USP13: variants seen among roughly 807,000 people sequenced by gnomAD.
USP13 encodes the protein ubiquitin specific peptidase 13, also known as ubiquitin carboxyl-terminal hydrolase 13.
A neutral mutation model predicts 107.8 loss-of-function variants in USP13; 68 were observed. The ratio of observed to expected loss-of-function variants is 0.63; its 90% confidence interval spans 0.52 to 0.77. USP13 has a LOEUF of 0.77. Among genes scored for constraint, USP13 ranks in the 30% least tolerant of loss-of-function variants. The pLI, the probability that USP13 is intolerant of heterozygous loss-of-function variation, is 0.00. For missense variants in USP13, 945 were observed against 1,093.3 expected, an observed-to-expected ratio of 0.86 and a Z score of 1.91; for synonymous variants, 377 against 389.5, an observed-to-expected ratio of 0.97 and a Z score of 0.38.
At chr3:179,759,632 G>A (rs184575621) in intron 16 of USP13, among the ~76,000 whole-genome samples, 1 of 152,296 alleles carries the variant, frequency 6.6e-6, no homozygotes, top group East Asian at 1.9e-4. Context: ...ATTTGACCTG[G>A]ATAGGATGTT....
At chr3:179,771,076 G>C (rs1286552800) in intron 19 of USP13, among the ~76,000 whole-genome samples, 1 of 152,200 alleles carries the variant, frequency 6.6e-6, no homozygotes, top group Non-Finnish European at 1.5e-5. Flanking sequence ...AGTCCTGGGG[G>C]CACTGGGCTG....
At chr3:179,765,978 T>C (rs1715161930) in intron 19 of USP13, 130 bp downstream of exon 19, 2 of 445,676 alleles carry the variant, frequency 4.5e-6, no homozygotes, top group Non-Finnish European at 3.2e-6. Flanking sequence ...ATCTTCTTCG[T>C]TTTTTTTTTT....
chr3:179,684,244 C>G (rs1207547256), intron 2 of USP13, among the ~76,000 whole-genome samples: 6 of 149,448 alleles, frequency 4.0e-5, no homozygotes, highest in Non-Finnish European at 7.4e-5. Flanking sequence ...CAGGTATGAG[C>G]CACCACGCCT....
chr3:179,697,209 G>A (rs375910951), intron 3 of USP13, among the ~76,000 whole-genome samples: 1 of 152,152 alleles, frequency 6.6e-6, no homozygotes, highest in Non-Finnish European at 1.5e-5. Context: ...TCGCTAATGG[G>A]CCTGTTCAGA....
intron 1 of USP13, among the ~76,000 whole-genome samples, chr3:179,670,927 C>G (rs1379004853): frequency 6.6e-6 from 1 of 151,998 alleles, no homozygotes; most frequent in Admixed American, 6.6e-5. Context: ...GAACTCCTGA[C>G]CTCAGGTGAT....
chr3:179,745,065 A>G lies in USP13; in HGVS notation c.1557A>G (p.Leu519=). 1.2e-6 allele frequency: 2 copies of G among 1,614,210 alleles called. No individual in the cohort carries two copies. The highest frequency in any genetic ancestry group is 8.5e-7 in the Non-Finnish European group (1 of 1,180,040). ...TNKDELIAYE[L]TRREAEANRR... Reference sequence around the variant, plus strand: ...CAGATGAACTGATCGCTTATGAACTAACGAGAAGGGAAGCAGAAGCAAACA... The same window carrying G: ...CAGATGAACTGATCGCTTATGAACTGACGAGAAGGGAAGCAGAAGCAAACA... Residue 519 remains leucine (L), a synonymous_variant, in exon 13 of 21, where the codon CTA becomes CTG. Coordinates refer to ENST00000263966, the MANE Select transcript of USP13 (RefSeq NM_003940.3).
intron 3 of USP13, among the ~76,000 whole-genome samples, chr3:179,700,145 G>C (rs144139169): frequency 6.6e-6 from 1 of 152,060 alleles, no homozygotes; most frequent in Non-Finnish European, 1.5e-5. Flanking sequence ...CTGAGCCTTC[G>C]TTTAACCTTT....
chr3:179,737,753 C>G (rs1468600624), intron 10 of USP13, among the ~76,000 whole-genome samples: 1 of 152,232 alleles, frequency 6.6e-6, no homozygotes, highest in Non-Finnish European at 1.5e-5. Flanking sequence ...AGTGGTGTTT[C>G]AGGTCCTCTG....
intron 2 of USP13, among the ~76,000 whole-genome samples, chr3:179,689,135 G>T (rs1289616191): frequency 1.3e-5 from 2 of 152,216 alleles, no homozygotes; most frequent in Non-Finnish European, 2.9e-5. Flanking sequence ...CTCGACACCT[G>T]TGGCTGCTTG....
At chr3:179,728,160 C>A (rs1403566985) in intron 8 of USP13, among the ~76,000 whole-genome samples, 1 of 140,360 alleles carries the variant, frequency 7.1e-6, no homozygotes, top group Non-Finnish European at 1.6e-5. Context: ...GGCAGAGGCG[C>A]CCCTCACCTC....
At chr3:179,671,124 G>A (rs1720740353) in intron 1 of USP13, among the ~76,000 whole-genome samples, 2 of 152,012 alleles carry the variant, frequency 1.3e-5, no homozygotes, top group Admixed American at 6.6e-5. Context: ...GTGGTGGTGG[G>A]CACCAGTAAT....
intron 3 of USP13, among the ~76,000 whole-genome samples, chr3:179,693,135 T>A (rs1270788002): frequency 2.0e-5 from 3 of 152,142 alleles, no homozygotes; most frequent in Admixed American, 1.3e-4. Flanking sequence ...ACCTCCGTCA[T>A]CCCAGTAGGA....
chr3:179,689,144 T>C (rs1712009448), intron 2 of USP13, among the ~76,000 whole-genome samples: 1 of 152,186 alleles, frequency 6.6e-6, no homozygotes, highest in Middle Eastern at 3.2e-3. Context: ...TGTGGCTGCT[T>C]GGAATGATGC....
Position 179,721,420 on chromosome 3 carries a change from G to A in USP13, c.919G>A (p.Asp307Asn). Residue 307 changes from aspartate to asparagine, a missense_variant, in exon 8 of 21, where the codon GAC (aspartate) becomes AAC (asparagine). Transcript: ENST00000263966. This position sits in a 1 kb window ranked among gnomAD's most constrained non-coding sequence, Gnocchi z 4.3. The stretch of plus-strand genomic sequence containing the variant: ...GTCTCAGACAGAGAATGGGCTCCAG[G>A]ACAATGACATCAAGCTGAGGGTCAG... The part of the protein sequence containing the change: ...HMHGTENGLQ[D>N]NDIKLRVSEW... 6.2e-7 allele frequency: 1 copy of A among 1,614,082 alleles called. No individual in the cohort carries two copies. Among genetic ancestry groups the A allele is most frequent in the South Asian group, 1.1e-5 (1 of 91,062 alleles).
chr3:179,658,042 A>G (rs1023642619), intron 1 of USP13, among the ~76,000 whole-genome samples: 2 of 151,954 alleles, frequency 1.3e-5, no homozygotes, highest in African/African-American at 2.4e-5. Context: ...TGGCTTGTCC[A>G]TGTGTAAGAC....
intron 20 of USP13, 147 bp downstream of exon 20, chr3:179,781,970 A>G: frequency 3.2e-6 from 2 of 620,222 alleles, no homozygotes; most frequent in Middle Eastern, 4.3e-4. Flanking sequence ...CCTTTTGCAC[A>G]TCAAGACACC....
chr3:179,735,239 C>T (rs572180291), intron 10 of USP13, among the ~76,000 whole-genome samples: 2 of 152,318 alleles, frequency 1.3e-5, no homozygotes, highest in East Asian at 3.9e-4. Context: ...AGGGCCGACT[C>T]TTGGTCAAGT....
chr3:179,718,265 T>C (rs1713176613), intron 6 of USP13, among the ~76,000 whole-genome samples: 1 of 147,460 alleles, frequency 6.8e-6, no homozygotes, highest in Non-Finnish European at 1.5e-5. Context: ...CATTTTTTTC[T>C]TTTTTTTCCT....
chr3:179,783,992 T>C, intron 20 of USP13, 56 bp from the exon 21 acceptor site: 1 of 1,432,514 alleles, frequency 7.0e-7, no homozygotes, highest in Non-Finnish European at 9.8e-7. Context: ...GACTTCTTTG[T>C]GTAAAGTTTC....
Sources: gnomAD v4.1 joint callset for allele counts (sites outside exome capture counted in the v4.1 genomes callset) on GRCh38, gnomAD v4.1.1 for gene constraint, Gnocchi (gnomAD v3.1) non-coding constraint, MANE v1.5 for transcripts, NCBI Gene and HGNC (gene_info 2026-07-23, HGNC 2026-07-21) for gene names.